LMO3: variants seen among roughly 807,000 people sequenced by gnomAD.
LMO3 encodes the protein LIM domain only 3, also known as LIM domain only protein 3.
In LMO3, 2 loss-of-function variants were observed where a neutral mutation model predicts 15.8. The observed-to-expected ratio is 0.13, with a 90% confidence interval of 0.05 to 0.40. The LOEUF is 0.40. Ranked by LOEUF, LMO3 falls within the 10% of genes least tolerant of loss-of-function variation. LMO3 has a pLI of 0.99. For missense variants in LMO3, 86 were observed against 182.2 expected (o/e 0.47, Z 3.04); for synonymous variants, 62 against 63.8 (o/e 0.97, Z 0.13).
intron 2 of LMO3, among the ~76,000 whole-genome samples, chr12:16,588,205 A>AC (rs1943380397): frequency 6.6e-6 from 1 of 151,988 alleles, no homozygotes; most frequent in African/African-American, 2.4e-5. Flanking sequence ...TTGTTTTCAT[A>AC]ATTTTTAAAA....
At chr12:16,591,000 T>G (rs1943479516) in intron 2 of LMO3, among the ~76,000 whole-genome samples, 1 of 152,070 alleles carries the variant, frequency 6.6e-6, no homozygotes, top group Non-Finnish European at 1.5e-5. Flanking sequence ...GCAGATGAAT[T>G]CTATAATCCC....
At chr12:16,571,388 A>G (rs939324281) in intron 2 of LMO3, among the ~76,000 whole-genome samples, 3 of 152,138 alleles carry the variant, frequency 2.0e-5, no homozygotes, top group African/African-American at 7.2e-5. Flanking sequence ...TTAATATCCA[A>G]CACCATTTAT....
chr12:16,609,525 C>T (rs893490102), upstream of LMO3, among the ~76,000 whole-genome samples: 1 of 151,994 alleles, frequency 6.6e-6, no homozygotes, highest in Non-Finnish European at 1.5e-5. Context: ...TTGCCTGTGC[C>T]CTCTTTCTGC....
chr12:16,606,593 C>G (rs1251931312), upstream of LMO3: 1 of 151,916 alleles, frequency 6.6e-6, no homozygotes, highest in African/African-American at 2.4e-5. Context: ...CCCTCGCTCG[C>G]TCTCGTGTGC....
In LMO3 at chr12:16,593,569, T is replaced by A. The variant is rs184032560; in HGVS notation, c.206+7086A>T. ...AAATACTGTTGAGAAGAAAAAGGTT[T>A]ATCAAGAAGATTTCATAATACAGCA... is the stretch of plus-strand genomic sequence containing the variant. On this transcript the variant is annotated intron_variant, in intron 2 of 3. Transcript: ENST00000537304. This position sits in a 1 kb window ranked among gnomAD's most constrained non-coding sequence, Gnocchi z 4.2. Among the ~76,000 whole-genome samples, 831 of 151,910 alleles carry A rather than the reference T, an allele frequency of 5.5e-3. 3 individuals are homozygous for A. The highest frequency in any genetic ancestry group is 0.014 in the Middle Eastern group (4 of 294).
intron 2 of LMO3, among the ~76,000 whole-genome samples, chr12:16,592,042 G>T (rs966468350): frequency 5.1e-4 from 78 of 151,974 alleles, no homozygotes; most frequent in African/African-American, 1.8e-3. Context: ...TTGCTCTTAA[G>T]TTCTTTCCAA....
In LMO3 at chr12:16,586,808, A is replaced by G. The variant is rs1476417960; in HGVS notation, c.206+13847T>C. ...ACTTTTGTAACCTTTCTCCCAAAGG[A>G]ACATGTAAGCCATACACAGTTGGCA... On this transcript the variant is annotated intron_variant, in intron 2 of 3. Transcript: ENST00000537304. The surrounding 1 kb of genome is among the most constrained non-coding windows in gnomAD (Gnocchi z 4.3). Among the ~76,000 whole-genome samples the G allele has an allele frequency of 6.6e-6, 1 of 152,202 alleles. No homozygotes were observed. The highest frequency in any genetic ancestry group is 2.4e-5 in the African/African-American group (1 of 41,458).
chr12:16,573,168 C>G (rs1305746518), intron 2 of LMO3, among the ~76,000 whole-genome samples: 2 of 151,784 alleles, frequency 1.3e-5, no homozygotes, highest in Non-Finnish European at 2.9e-5. Context: ...ATTCCAATGT[C>G]TATTCATAAG....
chr12:16,564,649 G>C (rs141032139), intron 2 of LMO3, among the ~76,000 whole-genome samples: 99 of 152,232 alleles, frequency 6.5e-4, no homozygotes, highest in African/African-American at 2.3e-3. Flanking sequence ...TCCAAGCTAT[G>C]TAAAGCATAG....
chr12:16,549,810 G>GTAAT lies in LMO3; in HGVS notation c.*1408_*1411dup, dbSNP rs983834788. ...GGATCATATTCTCATTTCCTTAATT[G>GTAAT]TAATTTAAATAATCATTCTCCATAA... is the stretch of plus-strand genomic sequence containing the variant. On this transcript the variant is annotated 3_prime_UTR_variant, in exon 4 of 4. Transcript: ENST00000537304. 1 of 151,996 alleles carries GTAAT rather than the reference G, an allele frequency of 6.6e-6. No homozygotes were observed. The highest frequency in any genetic ancestry group is 1.5e-5 in the Non-Finnish European group (1 of 67,936). 9.4% of individuals were successfully genotyped at this position (151,996 alleles called of 1,614,324 possible). A position where few individuals can be genotyped will look rare whatever the true frequency, so the allele number is the denominator to read the frequency against.
At chr12:16,594,422 C>A (rs187253296) in intron 2 of LMO3, 1 of 530,284 alleles carries the variant, frequency 1.9e-6, no homozygotes. Flanking sequence ...GCAAATTGAA[C>A]AGAGTATTGC....
intron 2 of LMO3, among the ~76,000 whole-genome samples, chr12:16,562,607 G>GGACCTGA (rs1314472160): frequency 1.3e-5 from 2 of 152,148 alleles, no homozygotes; most frequent in Non-Finnish European, 2.9e-5. Context: ...TTAACCACTG[G>GGACCTGA]GACCTGAGAC....
chr12:16,558,020 G>A (rs1235959388), intron 3 of LMO3, among the ~76,000 whole-genome samples: 3 of 151,988 alleles, frequency 2.0e-5, no homozygotes, highest in African/African-American at 7.2e-5. Context: ...GAAGACATAT[G>A]TGAAGCTCTG....
At chr12:16,600,401 G>A (rs1396004476) in intron 2 of LMO3, 2 of 398,036 alleles carry the variant, frequency 5.0e-6, no homozygotes, top group Non-Finnish European at 4.5e-6. Flanking sequence ...TTTCAACATA[G>A]GCAGCGCCAT....
At chr12:16,564,708 C>T (rs1317196406) in intron 2 of LMO3, among the ~76,000 whole-genome samples, 3 of 152,192 alleles carry the variant, frequency 2.0e-5, no homozygotes, top group African/African-American at 7.2e-5. Context: ...ACAAATATGT[C>T]ACTGCAGTAA....
At chr12:16,568,700 A>G (rs756270876) in intron 2 of LMO3, among the ~76,000 whole-genome samples, 6 of 152,238 alleles carry the variant, frequency 3.9e-5, no homozygotes, top group Non-Finnish European at 7.3e-5. Context: ...AACTAATTTC[A>G]CCTTTAAAAC....
chr12:16,567,787 T>C (rs1014242573), intron 2 of LMO3, among the ~76,000 whole-genome samples: 1 of 151,834 alleles, frequency 6.6e-6, no homozygotes, highest in African/African-American at 2.4e-5. Context: ...CAGAATATCA[T>C]CCCTCTCCTA....
Position 16,604,714 on chromosome 12 carries a change from G to T in LMO3, c.-9+1352C>A. ...TTTGTTGCATCTAGCAAGATTAATT[G>T]GTTTAAGCAGCAGTCTTTCAAAGCA... On this transcript the variant is annotated intron_variant, in intron 1 of 3. Coordinates refer to ENST00000537304, the MANE Select transcript of LMO3 (RefSeq NM_018640.5). The surrounding 1 kb of genome is among the most constrained non-coding windows in gnomAD (Gnocchi z 5.3). 1 of 796,062 alleles carries T rather than the reference G, an allele frequency of 1.3e-6. No homozygotes were observed. Among genetic ancestry groups the T allele is most frequent in the South Asian group, 1.7e-5 (1 of 60,270 alleles). The allele number at this position is 796,062 out of a possible 1,614,324, so 49.3% of individuals were successfully genotyped here. A position where few individuals can be genotyped will look rare whatever the true frequency, so the allele number is the denominator to read the frequency against.
At chr12:16,583,849 G>T (rs1418261921) in intron 2 of LMO3, among the ~76,000 whole-genome samples, 1 of 152,172 alleles carries the variant, frequency 6.6e-6, no homozygotes, top group African/African-American at 2.4e-5. Context: ...TGGGTTCATA[G>T]TGGGCAGGAA....
Sources: allele counts gnomAD v4.1 joint callset (sites outside exome capture counted in the v4.1 genomes callset), GRCh38; gene constraint gnomAD v4.1.1; non-coding constraint Gnocchi (gnomAD v3.1); transcripts MANE v1.5; gene names NCBI Gene and HGNC (gene_info 2026-07-23, HGNC 2026-07-21).